Variants in SLC38A12 observed in about 807,000 individuals in gnomAD.
The protein encoded by SLC38A12 is solute carrier family 38 member 12, also known as putative sodium-coupled neutral amino acid transporter 12.
At chr17:74,787,639 AAAAAG>A in the SLC38A12 span, among the ~76,000 whole-genome samples, 7 of 151,940 alleles carry the variant, frequency 4.6e-5, no homozygotes, top group Non-Finnish European at 7.4e-5. Flanking sequence ...AAAAAAAAAA[AAAAAG>A]AAAGCAGGAG....
the SLC38A12 span, chr17:74,838,863 C>T: frequency 1.3e-6 from 2 of 1,532,330 alleles, no homozygotes; most frequent in Non-Finnish European, 1.7e-6. Flanking sequence ...TAGGCAAGCT[C>T]AGCTTGTGGT....
chr17:74,834,268 C>T, the SLC38A12 span, among the ~76,000 whole-genome samples: 4 of 151,998 alleles, frequency 2.6e-5, no homozygotes, highest in African/African-American at 7.2e-5. Flanking sequence ...GTCGCCGCTT[C>T]CGCTTGACTG....
chr17:74,836,627 GGCTTTCTCCT>G, the SLC38A12 span: 1 of 1,612,820 alleles, frequency 6.2e-7, no homozygotes, highest in South Asian at 1.1e-5. The surrounding 1 kb of genome is among the most constrained non-coding windows in gnomAD (Gnocchi z 4.2). Context: ...TGCTGCTCTG[GGCTTTCTCCT>G]GCTTCATTTT....
the SLC38A12 span, among the ~76,000 whole-genome samples, chr17:74,798,470 C>T: frequency 6.6e-6 from 1 of 152,234 alleles, no homozygotes; most frequent in Admixed American, 6.5e-5. Flanking sequence ...ATTCCAACCC[C>T]ACTCCTTGTG....
At chr17:74,795,139 G>A in the SLC38A12 span, 1 of 1,601,826 alleles carries the variant, frequency 6.2e-7, no homozygotes, top group African/African-American at 1.3e-5. Flanking sequence ...CCCCAGGTTG[G>A]CGGTAGCCAA....
the SLC38A12 span, among the ~76,000 whole-genome samples, chr17:74,797,847 G>C: frequency 2.6e-5 from 4 of 152,326 alleles, no homozygotes; most frequent in South Asian, 6.2e-4. Flanking sequence ...AGTCTGGCCT[G>C]CAGGTCTTAT....
chr17:74,779,760 A>G, the SLC38A12 span, among the ~76,000 whole-genome samples: 1 of 152,202 alleles, frequency 6.6e-6, no homozygotes, highest in African/African-American at 2.4e-5. Flanking sequence ...GCCCACGCGC[A>G]TTTACAAGAC....
At chr17:74,782,177 C>T in the SLC38A12 span, among the ~76,000 whole-genome samples, 1 of 152,238 alleles carries the variant, frequency 6.6e-6, no homozygotes, top group Non-Finnish European at 1.5e-5. Context: ...AAGTGATTCT[C>T]ATGCCTCAGC....
the SLC38A12 span, among the ~76,000 whole-genome samples, chr17:74,779,101 C>T: frequency 6.6e-6 from 1 of 152,216 alleles, no homozygotes; most frequent in East Asian, 1.9e-4. Flanking sequence ...GTAAAAGTCA[C>T]CACGGCTCCT....
chr17:74,800,502 A>G, the SLC38A12 span, among the ~76,000 whole-genome samples: 1 of 152,378 alleles, frequency 6.6e-6, no homozygotes, highest in African/African-American at 2.4e-5. Context: ...GGGCTGTGGC[A>G]TCTGTTAATA....
chr17:74,802,185 T>C, the SLC38A12 span, among the ~76,000 whole-genome samples: 2 of 152,180 alleles, frequency 1.3e-5, no homozygotes, highest in Non-Finnish European at 2.9e-5. Flanking sequence ...GGTTGCTGTT[T>C]TTGTTTTTAA....
At chr17:74,806,484 C>T in the SLC38A12 span, among the ~76,000 whole-genome samples, 1 of 152,140 alleles carries the variant, frequency 6.6e-6, no homozygotes, top group East Asian at 1.9e-4. Context: ...ACATGAGAGC[C>T]AGTAAGCCAC....
chr17:74,777,317 C>T, the SLC38A12 span: 1 of 1,614,124 alleles, frequency 6.2e-7, no homozygotes, highest in Admixed American at 1.7e-5. Context: ...GCCAGCCCTT[C>T]CTCACTTTTG....
the SLC38A12 span, among the ~76,000 whole-genome samples, chr17:74,784,334 GA>G: frequency 6.6e-6 from 1 of 152,142 alleles, no homozygotes; most frequent in African/African-American, 2.4e-5. Flanking sequence ...AGACTCATTT[GA>G]ATTGTAAATA....
At chr17:74,831,418 C>G in the SLC38A12 span, among the ~76,000 whole-genome samples, 1 of 152,184 alleles carries the variant, frequency 6.6e-6, no homozygotes, top group African/African-American at 2.4e-5. Flanking sequence ...ATGGGTGACA[C>G]AAGACAAATG....
At chr17:74,820,450 G>T in the SLC38A12 span, among the ~76,000 whole-genome samples, 1 of 152,218 alleles carries the variant, frequency 6.6e-6, no homozygotes. Context: ...AAACAGGTTG[G>T]TGGTTGGGGG....
the SLC38A12 span, among the ~76,000 whole-genome samples, chr17:74,789,422 C>T: frequency 6.6e-6 from 1 of 151,662 alleles, no homozygotes; most frequent in East Asian, 1.9e-4. Flanking sequence ...CGCAGCTACT[C>T]AGGAGGCTGA....
chr17:74,824,173 C>T, the SLC38A12 span, among the ~76,000 whole-genome samples: 18 of 152,344 alleles, frequency 1.2e-4, no homozygotes, highest in East Asian at 7.7e-4. Context: ...GGCAGCCTCT[C>T]TGTTGCCACA....
At chr17:74,837,844 TG>T in the SLC38A12 span, 6 of 985,870 alleles carry the variant, frequency 6.1e-6, no homozygotes, top group Non-Finnish European at 7.2e-6. Context: ...CTTCAGGACC[TG>T]GGGGTCCCCC....
Sources: allele counts gnomAD v4.1 joint callset (sites outside exome capture counted in the v4.1 genomes callset), GRCh38; gene constraint gnomAD v4.1.1; non-coding constraint Gnocchi (gnomAD v3.1); transcripts MANE v1.5; gene names NCBI Gene and HGNC (gene_info 2026-07-23, HGNC 2026-07-21).